ZCCHC7: variants seen among roughly 807,000 people sequenced by gnomAD.
ZCCHC7 encodes zinc finger CCHC domain-containing protein 7.
Under a neutral mutation model 52.0 loss-of-function variants are expected in ZCCHC7, and 35 were observed. The observed-to-expected ratio is 0.67, with a 90% CI of 0.51 to 0.89. The LOEUF (loss-of-function observed/expected upper bound fraction) is 0.89. Ranked by LOEUF, ZCCHC7 falls within the 40% of genes least tolerant of loss-of-function variation. The probability of loss-of-function intolerance (pLI) is 0.00; values close to 1 mark genes in which losing one functional copy is unlikely to be tolerated. For synonymous variants in ZCCHC7, 217 were observed against 221.5 expected, an observed-to-expected ratio of 0.98 and a Z score of 0.18; for missense variants, 574 against 649.1, an observed-to-expected ratio of 0.88 and a Z score of 1.26.
chr9:37,286,035 G>A (rs1173610852), intron 2 of ZCCHC7, among the ~76,000 whole-genome samples: 1 of 152,168 alleles, frequency 6.6e-6, no homozygotes, highest in African/African-American at 2.4e-5. Flanking sequence ...TATGTTAAAA[G>A]TAGAAAGATG....
chr9:37,332,569 T>C (rs1039934474), intron 6 of ZCCHC7, among the ~76,000 whole-genome samples: 10 of 151,550 alleles, frequency 6.6e-5, no homozygotes, highest in Admixed American at 6.6e-4. Flanking sequence ...TTCTCATATT[T>C]TGAGTTTAGT....
intron 2 of ZCCHC7, among the ~76,000 whole-genome samples, chr9:37,239,575 C>T (rs183123949): frequency 1.4e-3 from 215 of 152,256 alleles, no homozygotes; most frequent in Non-Finnish European, 2.6e-3. Flanking sequence ...AGGTATATCT[C>T]AGCTCGGTCT....
At chr9:37,173,128 T>G (rs990031648) in intron 2 of ZCCHC7, among the ~76,000 whole-genome samples, 4 of 152,082 alleles carry the variant, frequency 2.6e-5, no homozygotes, top group African/African-American at 9.7e-5. Flanking sequence ...GTGAACAACG[T>G]GGGCATTCCA....
At chr9:37,274,065 G>A (rs1827563086) in intron 2 of ZCCHC7, among the ~76,000 whole-genome samples, 1 of 152,118 alleles carries the variant, frequency 6.6e-6, no homozygotes, top group Non-Finnish European at 1.5e-5. Flanking sequence ...AACAAATACA[G>A]CTTGCTGCCA....
At chr9:37,211,897 A>G (rs1370859512) in intron 2 of ZCCHC7, among the ~76,000 whole-genome samples, 10 of 151,880 alleles carry the variant, frequency 6.6e-5, no homozygotes, top group Non-Finnish European at 1.3e-4. Flanking sequence ...GTGTAGTGGC[A>G]GGCGCCTGTA....
chr9:37,279,161 C>G (rs979544756), intron 2 of ZCCHC7, among the ~76,000 whole-genome samples: 3 of 151,358 alleles, frequency 2.0e-5, no homozygotes, highest in African/African-American at 7.3e-5. Context: ...GAAAACTTGT[C>G]TTATTTTATC....
intron 1 of ZCCHC7, 32 bp downstream of exon 1, chr9:37,120,655 C>T (rs1359269402): frequency 7.7e-6 from 3 of 391,044 alleles, no homozygotes; most frequent in Non-Finnish European, 1.4e-5. Context: ...CCCCGCCGCC[C>T]GCGGCTCGGG....
At chr9:37,173,915 G>A (rs137975541) in intron 2 of ZCCHC7, among the ~76,000 whole-genome samples, 203 of 152,046 alleles carry the variant, frequency 1.3e-3, no homozygotes, top group African/African-American at 4.3e-3. Flanking sequence ...ATTATACCTC[G>A]TTCATATACT....
At chr9:37,338,787 TC>T (rs369260446) in intron 6 of ZCCHC7, among the ~76,000 whole-genome samples, 18 of 152,088 alleles carry the variant, frequency 1.2e-4, no homozygotes, top group Non-Finnish European at 7.4e-5. Flanking sequence ...TTTTTTGTTT[TC>T]TTTTTAAACA....
intron 6 of ZCCHC7, among the ~76,000 whole-genome samples, chr9:37,339,599 A>T (rs935386685): frequency 1.3e-5 from 2 of 152,232 alleles, no homozygotes; most frequent in Non-Finnish European, 2.9e-5. Context: ...GCCTAGGCAC[A>T]TGTGATTTAG....
intron 2 of ZCCHC7, among the ~76,000 whole-genome samples, chr9:37,200,839 T>G (rs1383920536): frequency 6.6e-6 from 1 of 152,260 alleles, no homozygotes; most frequent in Admixed American, 6.5e-5. Flanking sequence ...CCCCTGTGAC[T>G]CATACCTACT....
At chr9:37,284,612 A>G (rs1472188380) in intron 2 of ZCCHC7, among the ~76,000 whole-genome samples, 2 of 151,988 alleles carry the variant, frequency 1.3e-5, no homozygotes, top group African/African-American at 4.8e-5. Context: ...AAAAAAATGG[A>G]TTTTTATATT....
intron 2 of ZCCHC7, among the ~76,000 whole-genome samples, chr9:37,198,820 A>C (rs2133145329): frequency 6.6e-6 from 1 of 152,316 alleles, no homozygotes; most frequent in South Asian, 2.1e-4. Context: ...GTTTGGTTAG[A>C]TAGGATAGGT....
chr9:37,255,793 G>A (rs1241389260), intron 2 of ZCCHC7, among the ~76,000 whole-genome samples: 1 of 152,098 alleles, frequency 6.6e-6, no homozygotes, highest in Non-Finnish European at 1.5e-5. Flanking sequence ...TTATCAAAAT[G>A]GGACTATAGA....
chr9:37,348,342 A>AGTTT (rs1554736682), intron 6 of ZCCHC7, among the ~76,000 whole-genome samples: 1 of 99,624 alleles, frequency 1.0e-5, no homozygotes, highest in Non-Finnish European at 2.2e-5. Flanking sequence ...AAGTGATACC[A>AGTTT]GTTCGTTCTT....
chr9:37,235,877 C>T (rs976308485), intron 2 of ZCCHC7, among the ~76,000 whole-genome samples: 8 of 151,756 alleles, frequency 5.3e-5, no homozygotes, highest in Non-Finnish European at 8.8e-5. Context: ...TGTGAGCCAC[C>T]GCACCTGGCC....
chr9:37,282,845 TAAG>T (rs1413989418), intron 2 of ZCCHC7, among the ~76,000 whole-genome samples: 2 of 142,374 alleles, frequency 1.4e-5, no homozygotes, highest in Admixed American at 1.5e-4. Context: ...AGTGAGGGGG[TAAG>T]AAAAGAGTCA....
chr9:37,136,595 C>T (rs1422080864), intron 2 of ZCCHC7, among the ~76,000 whole-genome samples: 1 of 152,178 alleles, frequency 6.6e-6, no homozygotes, highest in Admixed American at 6.5e-5. Flanking sequence ...GTAGCTGAGA[C>T]TGCAGATGTG....
At chr9:37,316,155 G>A (rs1040782579) in intron 5 of ZCCHC7, among the ~76,000 whole-genome samples, 1 of 151,944 alleles carries the variant, frequency 6.6e-6, no homozygotes, top group Non-Finnish European at 1.5e-5. Context: ...CACCTCCTGG[G>A]TTCAAGTGAT....
Sources: gnomAD v4.1 joint callset for allele counts (sites outside exome capture counted in the v4.1 genomes callset) on GRCh38, gnomAD v4.1.1 for gene constraint, MANE v1.5 for transcripts, NCBI Gene and HGNC (gene_info 2026-07-23, HGNC 2026-07-21) for gene names.